Variants in STPG2 observed in about 807,000 individuals in gnomAD.
STPG2 encodes sperm-tail PG-rich repeat-containing protein 2.
In STPG2, 56 loss-of-function variants were observed where a neutral mutation model predicts 54.2. That is an observed-to-expected ratio of 1.03 (90% CI 0.83 to 1.29). The LOEUF (loss-of-function observed/expected upper bound fraction) is 1.29. STPG2 is among the 50% of genes most tolerant of loss of function. The pLI, the probability that STPG2 is intolerant of heterozygous loss-of-function variation, is 0.00. For synonymous variants in STPG2, 200 were observed against 181.8 expected, an observed-to-expected ratio of 1.10 and a Z score of -0.81; for missense variants, 596 against 544.9, an observed-to-expected ratio of 1.09 and a Z score of -0.93.
At chr4:97,826,814 A>G (rs1284008904) in intron 9 of STPG2, among the ~76,000 whole-genome samples, 1 of 152,258 alleles carries the variant, frequency 6.6e-6, no homozygotes, top group Non-Finnish European at 1.5e-5. Context: ...GACACAGTGT[A>G]TATTATCAGT....
chr4:97,531,911 G>A (rs180783889), intron 4 of STPG2, among the ~76,000 whole-genome samples: 22 of 152,132 alleles, frequency 1.4e-4, no homozygotes, highest in African/African-American at 5.1e-4. Flanking sequence ...TTGAGGTGAT[G>A]GATACCCCAT....
chr4:97,897,921 T>C (rs187510654), intron 8 of STPG2, among the ~76,000 whole-genome samples: 8 of 151,814 alleles, frequency 5.3e-5, no homozygotes, highest in Admixed American at 5.3e-4. Flanking sequence ...TAGATCCCTC[T>C]TGTCAATTTT....
chr4:97,966,082 A>G (rs1734086965), intron 7 of STPG2, among the ~76,000 whole-genome samples: 1 of 152,206 alleles, frequency 6.6e-6, no homozygotes, highest in Non-Finnish European at 1.5e-5. Context: ...AGCTTCTCCG[A>G]GCTAAAGGAG....
At chr4:97,455,863 G>A (rs1430527817) in intron 4 of STPG2, among the ~76,000 whole-genome samples, 1 of 152,110 alleles carries the variant, frequency 6.6e-6, no homozygotes, top group African/African-American at 2.4e-5. Context: ...CATGCAGTTG[G>A]AGCCCCACAA....
At chr4:97,783,213 A>T (rs905558355) in intron 9 of STPG2, among the ~76,000 whole-genome samples, 7 of 152,312 alleles carry the variant, frequency 4.6e-5, no homozygotes, top group Admixed American at 4.6e-4. Flanking sequence ...GAATCTACAA[A>T]GAACTCAAAC....
At chr4:97,734,132 A>G (rs778046380) in intron 9 of STPG2, among the ~76,000 whole-genome samples, 7 of 152,160 alleles carry the variant, frequency 4.6e-5, no homozygotes, top group Non-Finnish European at 8.8e-5. Context: ...GTATAATGTT[A>G]CCTGTGTACT....
chr4:98,121,777 A>G (rs570609340), intron 3 of STPG2, among the ~76,000 whole-genome samples: 2 of 152,060 alleles, frequency 1.3e-5, no homozygotes, highest in African/African-American at 4.8e-5. Context: ...GCTGGAGTGC[A>G]GTGGCATGAT....
chr4:97,799,195 T>C (rs1333148365), intron 9 of STPG2, among the ~76,000 whole-genome samples: 1 of 150,612 alleles, frequency 6.6e-6, no homozygotes. Flanking sequence ...TTAAGGTTAA[T>C]ATTGTTATGT....
intron 10 of STPG2, among the ~76,000 whole-genome samples, chr4:97,568,414 G>A (rs1042448598): frequency 1.3e-5 from 2 of 152,070 alleles, no homozygotes; most frequent in African/African-American, 4.8e-5. Context: ...TGTAATAGTG[G>A]AAGGGAGAAA....
At chr4:97,957,636 G>C (rs1733728752) in intron 7 of STPG2, among the ~76,000 whole-genome samples, 1 of 151,950 alleles carries the variant, frequency 6.6e-6, no homozygotes, top group Non-Finnish European at 1.5e-5. Context: ...CTAAAGTTAA[G>C]AGGAAAAAAA....
intron 5 of STPG2, among the ~76,000 whole-genome samples, chr4:98,074,713 T>C (rs1265200905): frequency 1.3e-5 from 2 of 152,246 alleles, no homozygotes; most frequent in African/African-American, 4.8e-5. Flanking sequence ...TCTCCAGTTC[T>C]AATCTTTTGT....
chr4:97,954,333 AG>A (rs1733587622), intron 7 of STPG2, among the ~76,000 whole-genome samples: 2 of 152,232 alleles, frequency 1.3e-5, no homozygotes, highest in South Asian at 4.1e-4. Context: ...ACTCTCCCTC[AG>A]GGCATTTTCT....
At chr4:97,521,197 G>A (rs1311847799) in intron 4 of STPG2, among the ~76,000 whole-genome samples, 1 of 151,944 alleles carries the variant, frequency 6.6e-6, no homozygotes, top group Non-Finnish European at 1.5e-5. Context: ...ATGTGAAATA[G>A]TCCTTTTTAC....
intron 4 of STPG2, among the ~76,000 whole-genome samples, chr4:97,533,026 G>T (rs563600345): frequency 6.6e-6 from 1 of 152,054 alleles, no homozygotes; most frequent in African/African-American, 2.4e-5. Context: ...GGAACTACAG[G>T]CGCCCGCCAC....
At chr4:97,867,086 T>C (rs1729815290) in intron 8 of STPG2, among the ~76,000 whole-genome samples, 2 of 151,980 alleles carry the variant, frequency 1.3e-5, no homozygotes, top group Non-Finnish European at 2.9e-5. Context: ...TTCCTGAAAG[T>C]GCAGCCTAGA....
rs115343614 is a variant in STPG2, at chr4:97,929,914, G to A, written c.1044+13983C>T. On this transcript the variant is annotated intron_variant, in intron 8 of 10. Transcript: ENST00000295268. ...TTCCAGTTTTTTTGTTTGTTTGTTT[G>A]TTTTGACACGGAGTTTTACCCTATC... Among the ~76,000 whole-genome samples the A allele has an allele frequency of 2.6e-3, 401 of 151,968 alleles. 2 individuals carry two copies. Among genetic ancestry groups the A allele is most frequent in the African/African-American group, 9.1e-3 (377 of 41,430 alleles).
intron 7 of STPG2, among the ~76,000 whole-genome samples, chr4:97,956,118 A>T (rs935892431): frequency 2.0e-5 from 3 of 152,188 alleles, no homozygotes; most frequent in Admixed American, 6.5e-5. Context: ...AAATATGTAG[A>T]TTTAAAATGT....
chr4:97,775,792 G>C (rs957750714), intron 9 of STPG2, among the ~76,000 whole-genome samples: 15 of 151,978 alleles, frequency 9.9e-5, no homozygotes, highest in African/African-American at 3.6e-4. Context: ...TTTTAAAACA[G>C]AGTCTTACTC....
intron 5 of STPG2, among the ~76,000 whole-genome samples, chr4:98,074,070 C>T (rs574243596): frequency 2.6e-5 from 4 of 152,090 alleles, no homozygotes; most frequent in African/African-American, 7.2e-5. Context: ...TTTCAGTTCC[C>T]GCTGAAAACA....
Sources: allele counts gnomAD v4.1 joint callset (sites outside exome capture counted in the v4.1 genomes callset), GRCh38; gene constraint gnomAD v4.1.1; transcripts MANE v1.5; gene names NCBI Gene and HGNC (gene_info 2026-07-23, HGNC 2026-07-21).